COL4A6: variants seen among roughly 807,000 people sequenced by gnomAD.
COL4A6 encodes collagen type IV alpha 6 chain, also known as collagen alpha-6(IV) chain.
In COL4A6, 59 loss-of-function variants were observed where a neutral mutation model predicts 126.7. The ratio of observed to expected loss-of-function variants is 0.47; its 90% CI spans 0.38 to 0.58. The LOEUF (loss-of-function observed/expected upper bound fraction) is 0.58, where lower values mean the gene tolerates loss of function less well. Among genes scored for constraint, COL4A6 ranks in the 20% least tolerant of loss-of-function variants. The pLI is 0.00. For synonymous variants in COL4A6, 547 were observed against 496.6 expected (o/e 1.10, Z -1.35); for missense variants, 1,285 against 1,337.3 (o/e 0.96, Z 0.61).
chrX:108,182,678 G>T (rs1292965284), intron 23 of COL4A6, among the ~76,000 whole-genome samples: 1 of 112,253 alleles, frequency 8.9e-6, no homozygotes, highest in Non-Finnish European at 1.9e-5. Context: ...CCTCCAGAGG[G>T]TGTATCATGA....
intron 25 of COL4A6, 58 bp from the exon 26 acceptor site, chrX:108,179,496 G>A: frequency 1.1e-6 from 1 of 923,455 alleles, no homozygotes; most frequent in South Asian, 2.4e-5. Context: ...ATTTGTCTGA[G>A]TACAGATCTC....
chrX:108,249,120 C>A lies in COL4A6; in HGVS notation c.145-27746G>T, dbSNP rs1274670341. Reference sequence around the variant, plus strand: ...TGTAATAATAATAATAGAAATAAAGCACACAATAAATGTAATGCACTCATA... The same window carrying A: ...TGTAATAATAATAATAGAAATAAAGAACACAATAAATGTAATGCACTCATA... On this transcript the variant is annotated intron_variant, in intron 3 of 44. Coordinates refer to ENST00000334504, the MANE Select transcript of COL4A6 (RefSeq NM_033641.4). Among the ~76,000 whole-genome samples the A allele has an allele frequency of 2.7e-5, 3 of 110,399 alleles. No individual in the cohort carries two copies. In the East Asian group the frequency reaches 8.5e-4, roughly 31 times the overall value.
At chrX:108,406,237 C>T (rs889524369) in intron 2 of COL4A6, among the ~76,000 whole-genome samples, 1 of 112,095 alleles carries the variant, frequency 8.9e-6, no homozygotes, top group African/African-American at 3.2e-5. Flanking sequence ...TCCCAAAGTG[C>T]TGGGATTATA....
chrX:108,272,157 G>A (rs2037468347), intron 3 of COL4A6, among the ~76,000 whole-genome samples: 2 of 110,925 alleles, frequency 1.8e-5, no homozygotes, highest in African/African-American at 6.6e-5. Context: ...CCTAGTCTAG[G>A]CTCTGTTCCC....
Position 108,174,524 on chromosome X carries a change from G to C in COL4A6, c.3054C>G (p.Pro1018=). Residue 1018 remains proline (P), a synonymous_variant, in exon 31 of 45, where the codon CCC becomes CCG. Transcript: ENST00000334504. ...AGCCCCGGATTCCCATGAAGCCAGG[G>C]GGCCCTGGCTTTCCACTAACTCCTT... The part of the protein sequence containing the change: ...IIKGVSGKPG[P]PGFMGIRGLP... The C allele has an allele frequency of 8.3e-7, 1 of 1,210,457 alleles. No individual in the cohort carries two copies. Among genetic ancestry groups the C allele is most frequent in the Non-Finnish European group, 1.1e-6 (1 of 894,727 alleles).
intron 2 of COL4A6, among the ~76,000 whole-genome samples, chrX:108,417,626 G>T (rs926647801): frequency 1.3e-4 from 15 of 111,472 alleles, no homozygotes; most frequent in Non-Finnish European, 2.8e-4. Flanking sequence ...TTAATGTTCA[G>T]CTCTGCATGA....
At chrX:108,257,501 G>A (rs2037037935) in intron 3 of COL4A6, among the ~76,000 whole-genome samples, 1 of 111,580 alleles carries the variant, frequency 9.0e-6, no homozygotes, top group African/African-American at 3.3e-5. Context: ...CCATTACTGT[G>A]AGACAGAAAA....
chrX:108,391,552 C>G (rs1400741149), intron 2 of COL4A6, among the ~76,000 whole-genome samples: 2 of 111,799 alleles, frequency 1.8e-5, no homozygotes, highest in Non-Finnish European at 3.8e-5. Context: ...AGCTCCCAGT[C>G]GACCTCAGAC....
rs778878544 is a variant in COL4A6 at position 108,357,746 on chromosome X, C to A, written c.64-46918G>T. Among the ~76,000 whole-genome samples the A allele has an allele frequency of 1.2e-4, 13 of 110,480 alleles. 1 individual carries two copies. The highest frequency in any genetic ancestry group is 1.1e-3 in the Admixed American group (11 of 10,231). On this transcript the variant is annotated intron_variant, in intron 2 of 44. Transcript: ENST00000334504. ...GTATGCCTTTTTCTTCTTCTCCTTG[C>A]TTCTCCCTCTCCCCCTTCTCTTGGA...
At chrX:108,158,932 G>A (rs1321245743) in intron 44 of COL4A6, among the ~76,000 whole-genome samples, 3 of 112,450 alleles carry the variant, frequency 2.7e-5, no homozygotes, top group African/African-American at 3.2e-5. Flanking sequence ...CAGCATGGCT[G>A]GCCGCTGCCT....
chrX:108,424,362 A>G (rs1375593385), intron 2 of COL4A6, among the ~76,000 whole-genome samples: 1 of 112,371 alleles, frequency 8.9e-6, no homozygotes, highest in Non-Finnish European at 1.9e-5. Flanking sequence ...ATAAGTCATC[A>G]ATCCAGATAA....
intron 3 of COL4A6, among the ~76,000 whole-genome samples, chrX:108,231,824 T>C (rs985753255): frequency 8.9e-6 from 1 of 112,321 alleles, no homozygotes; most frequent in Non-Finnish European, 1.9e-5. Context: ...TACTCTTTAA[T>C]AGAAATGTAC....
chrX:108,374,421 G>A (rs919574972), intron 2 of COL4A6, among the ~76,000 whole-genome samples: 15 of 111,853 alleles, frequency 1.3e-4, no homozygotes, highest in African/African-American at 2.9e-4. Flanking sequence ...TAATAACCAC[G>A]GAAGAAATAT....
intron 4 of COL4A6, among the ~76,000 whole-genome samples, chrX:108,219,979 G>C (rs1273339443): frequency 9.0e-6 from 1 of 110,705 alleles, no homozygotes; most frequent in Non-Finnish European, 1.9e-5. Flanking sequence ...TATAGTCGAG[G>C]TTTTAAAATT....
intron 2 of COL4A6, among the ~76,000 whole-genome samples, chrX:108,374,533 C>G (rs2040397589): frequency 8.9e-6 from 1 of 111,949 alleles, no homozygotes. Flanking sequence ...AAGGGGCTGT[C>G]AATCACGTCC....
intron 3 of COL4A6, among the ~76,000 whole-genome samples, chrX:108,308,226 C>T (rs1057391726): frequency 1.8e-5 from 2 of 111,725 alleles, no homozygotes; most frequent in Admixed American, 1.9e-4. Context: ...ATCTACTGCC[C>T]TCCATTTCCA....
At chrX:108,430,783 T>C (rs1478528782) in intron 2 of COL4A6, among the ~76,000 whole-genome samples, 1 of 111,363 alleles carries the variant, frequency 9.0e-6, no homozygotes. Flanking sequence ...CTGGTTGGAG[T>C]GTCATGGGAA....
intron 2 of COL4A6, among the ~76,000 whole-genome samples, chrX:108,316,818 T>C (rs970200221): frequency 1.1e-4 from 12 of 112,188 alleles, no homozygotes; most frequent in African/African-American, 3.9e-4. Flanking sequence ...ATGCTTGATG[T>C]TTTGGCTACA....
At chrX:108,203,512 C>T (rs941217460) in intron 12 of COL4A6, among the ~76,000 whole-genome samples, 4 of 112,265 alleles carry the variant, frequency 3.6e-5, no homozygotes, top group Admixed American at 2.8e-4. Flanking sequence ...CCCAAATCAA[C>T]GACTACTTCC....
Sources: gnomAD v4.1 joint callset for allele counts (sites outside exome capture counted in the v4.1 genomes callset) on GRCh38, gnomAD v4.1.1 for gene constraint, MANE v1.5 for transcripts, NCBI Gene and HGNC (gene_info 2026-07-23, HGNC 2026-07-21) for gene names.